Variants in GPATCH11 observed in about 807,000 individuals in gnomAD.
The protein encoded by GPATCH11 is G-patch domain containing 11.
A neutral mutation model predicts 44.8 loss-of-function variants in GPATCH11; 32 were observed. The observed-to-expected ratio is 0.71, with a 90% CI of 0.54 to 0.96. The LOEUF (loss-of-function observed/expected upper bound fraction) is 0.96. Ranked by LOEUF, GPATCH11 falls within the 40% of genes least tolerant of loss-of-function variation. GPATCH11 has a pLI of 0.00. For synonymous variants in GPATCH11, 84 were observed against 94.4 expected (o/e 0.89, Z 0.64); for missense variants, 324 against 303.1 (o/e 1.07, Z -0.51).
intron 8 of GPATCH11, 75 bp from the exon 9 acceptor site, chr2:37,096,133 A>T: frequency 1.1e-6 from 1 of 886,854 alleles, no homozygotes; most frequent in South Asian, 1.6e-5. Context: ...CAAAAAATGC[A>T]TGTTATGTTG....
chr2:37,086,609 G>T (rs1673062909), intron 1 of GPATCH11, among the ~76,000 whole-genome samples: 1 of 152,160 alleles, frequency 6.6e-6, no homozygotes, highest in Non-Finnish European at 1.5e-5. Context: ...GACCAGCCTG[G>T]CCAACATGGC....
At position 37,094,175 on chromosome 2, in the gene GPATCH11, T is replaced by C. The variant is rs746905009; in HGVS notation, c.634T>C (p.Tyr212His). The change falls in exon 7 of 9, where the codon TAT becomes CAT. Residue 212 changes from tyrosine (Y) to histidine (H), a missense_variant. By Grantham distance (83) the Tyr-to-His change is moderately conservative (BLOSUM62 2). Transcript: ENST00000674370. Reference sequence around the variant, plus strand: ...AGAAAAAGAACAGGATGAAGATGAATATAAGAGTGAAGATTTAAGCGTATG... The same window carrying C: ...AGAAAAAGAACAGGATGAAGATGAACATAAGAGTGAAGATTTAAGCGTATG... ...EEEKEQDEDE[Y>H]KSEDLSVLEK... 8 of 1,557,516 alleles carry C rather than the reference T, an allele frequency of 5.1e-6. No individual in the cohort carries two copies. In the Admixed American group the frequency reaches 5.8e-5, roughly 11 times the overall value.
rs1326111339 is a variant in GPATCH11, at chr2:37,096,786, A to AC, written c.*525dup. The stretch of plus-strand genomic sequence containing the variant: ...GGTCAGGGAAACCACCAGGGGCTGG[A>AC]CCACACATGCTCAGTTCCTTCTTGT... On this transcript the variant is annotated 3_prime_UTR_variant, in exon 9 of 9. Coordinates refer to ENST00000674370, the MANE Select transcript of GPATCH11 (RefSeq NM_174931.4). The AC allele has an allele frequency of 1.3e-5, 2 of 155,766 alleles. No homozygotes were observed. Among genetic ancestry groups the AC allele is most frequent in the African/African-American group, 4.8e-5 (2 of 41,484 alleles). 9.6% of individuals were successfully genotyped at this position (155,766 alleles called of 1,614,324 possible). A position where few individuals can be genotyped will look rare whatever the true frequency, so the allele number is the denominator to read the frequency against.
chr2:37,095,771 T>TCCC, intron 8 of GPATCH11, among the ~76,000 whole-genome samples: 2 of 152,200 alleles, frequency 1.3e-5, no homozygotes, highest in African/African-American at 4.8e-5. Context: ...AACCTGAGAA[T>TCCC]GATGAATGTT....
intron 3 of GPATCH11, 142 bp downstream of exon 3, chr2:37,090,008 C>A (rs1673240267): frequency 3.0e-6 from 2 of 660,566 alleles, no homozygotes; most frequent in Admixed American, 2.9e-5. Context: ...TATTAACAAG[C>A]CTTATGGAGA....
chr2:37,090,523 T>C (rs1673264162), intron 3 of GPATCH11, among the ~76,000 whole-genome samples, 158 bp from the exon 4 acceptor site: 2 of 152,178 alleles, frequency 1.3e-5, no homozygotes, highest in African/African-American at 4.8e-5. Flanking sequence ...AGGTAGATAA[T>C]TGATTATATA....
In GPATCH11 at chr2:37,096,680, T is replaced by C. The variant is rs1049592993; in HGVS notation, c.*417T>C. 2 of 170,994 alleles carry C rather than the reference T, an allele frequency of 1.2e-5. No individual in the cohort carries two copies. Among genetic ancestry groups the C allele is most frequent in the African/African-American group, 4.8e-5 (2 of 41,554 alleles). The allele number at this position is 170,994 out of a possible 1,614,324, so 10.6% of individuals were successfully genotyped here. A position where few individuals can be genotyped will look rare whatever the true frequency, so the allele number is the denominator to read the frequency against. On this transcript the variant is annotated 3_prime_UTR_variant, in exon 9 of 9. Coordinates refer to ENST00000674370, the MANE Select transcript of GPATCH11 (RefSeq NM_174931.4). Reference sequence around the variant, plus strand: ...CTCCAGTCAGAGACTGTAATATTTCTCCCTGATTGGAGAGAACAGCGGGTC... The same window carrying C: ...CTCCAGTCAGAGACTGTAATATTTCCCCCTGATTGGAGAGAACAGCGGGTC...
chr2:37,094,224 G>C (rs1481840625), intron 7 of GPATCH11, 29 bp downstream of exon 7: 1 of 1,376,822 alleles, frequency 7.3e-7, no homozygotes, highest in East Asian at 2.5e-5. Context: ...CCTTCATAGG[G>C]TGTCTCAGCC....
rs370830221 is a variant in GPATCH11 at position 37,095,420 on chromosome 2, G to C, written c.655-17G>C. On this transcript the variant is annotated splice_polypyrimidine_tract_variant and intron_variant, in intron 7 of 8. Transcript: ENST00000674370. ...CTGTTCAATGTAAAGTATTAATAAT[G>C]TGCTTGTATCCTATAGGTACTGGAA... is the stretch of plus-strand genomic sequence containing the variant. 24 of 1,593,668 alleles carry C rather than the reference G, an allele frequency of 1.5e-5. No homozygotes were observed. Among genetic ancestry groups the C allele is most frequent in the Non-Finnish European group, 2.0e-5 (24 of 1,172,658 alleles).
chr2:37,092,045 A>C lies in GPATCH11; in HGVS notation c.449+9A>C. The C allele has an allele frequency of 6.2e-7, 1 of 1,612,266 alleles. No individual in the cohort carries two copies. The highest frequency in any genetic ancestry group is 8.5e-7 in the Non-Finnish European group (1 of 1,178,842). On this transcript the variant is annotated intron_variant, in intron 5 of 8. Coordinates refer to ENST00000674370, the MANE Select transcript of GPATCH11 (RefSeq NM_174931.4). ...GCTGCAGAACAGTTTCGGTAAAACT[A>C]TTTTTGAGCTGGTTTTGGTTCTATT...
intron 2 of GPATCH11, 103 bp from the exon 3 acceptor site, chr2:37,089,537 A>G: frequency 2.5e-6 from 2 of 813,642 alleles, no homozygotes; most frequent in South Asian, 1.9e-5. Context: ...ATTGCATTAC[A>G]GCCCGGGCAA....
chr2:37,093,341 A>T (rs1243103750), intron 6 of GPATCH11, among the ~76,000 whole-genome samples: 1 of 151,598 alleles, frequency 6.6e-6, no homozygotes, highest in Non-Finnish European at 1.5e-5. Flanking sequence ...CAAAAAAAAT[A>T]AATAAGTAAA....
chr2:37,094,102 A>G lies in GPATCH11; in HGVS notation c.561A>G (p.Glu187=). The G allele has an allele frequency of 1.3e-6, 2 of 1,598,680 alleles. No homozygotes were observed. The highest frequency in any genetic ancestry group is 4.5e-5 in the East Asian group (2 of 44,658). ...TTCAGAATATTCAGGTTCCCAGGGA[A>G]GCATGGTACTGGTTGAGGCTTGAAG... ...DVQKNIQVPR[E]AWYWLRLEEE... is the part of the protein sequence containing the mutation. The change falls in exon 7 of 9, where the codon GAA becomes GAG. Residue 187 remains glutamate (E), a synonymous_variant. Transcript: ENST00000674370.
intron 7 of GPATCH11, 131 bp from the exon 8 acceptor site, chr2:37,095,306 G>T: frequency 1.7e-6 from 2 of 1,159,654 alleles, no homozygotes. Context: ...TTCTGTCCTT[G>T]ACATTTCTAA....
chr2:37,095,306 G>A, intron 7 of GPATCH11, 131 bp from the exon 8 acceptor site: 2 of 1,159,654 alleles, frequency 1.7e-6, no homozygotes, highest in South Asian at 3.6e-5. Context: ...TTCTGTCCTT[G>A]ACATTTCTAA....
At chr2:37,088,965 G>A (rs1254323545) in intron 2 of GPATCH11, among the ~76,000 whole-genome samples, 1 of 152,080 alleles carries the variant, frequency 6.6e-6, no homozygotes, top group East Asian at 1.9e-4. Context: ...CCTTTTTATT[G>A]CCTTCTTCCA....
At chr2:37,087,737 A>G (rs1228836907) in intron 1 of GPATCH11, among the ~76,000 whole-genome samples, 2 of 152,064 alleles carry the variant, frequency 1.3e-5, no homozygotes, top group Non-Finnish European at 2.9e-5. Context: ...AAATGTTTGT[A>G]CTCTGTTCAG....
chr2:37,091,924 G>A lies in GPATCH11; in HGVS notation c.337G>A (p.Gly113Ser). 1 of 1,608,850 alleles carries A rather than the reference G, an allele frequency of 6.2e-7. No individual in the cohort carries two copies. The highest frequency in any genetic ancestry group is 8.5e-7 in the Non-Finnish European group (1 of 1,176,728). Residue 113 changes from glycine (G) to serine (S), a missense_variant, in exon 5 of 9, where the codon GGC becomes AGC. Transcript: ENST00000674370. ...ATTTTCTGTTTGAATAGGGAAAAGT[G>A]GCATTGGTCATGAGGCATCATTAAA... ...IPLNIKTGKS[G>S]IGHEASLKRK...
chr2:37,087,370 T>C lies in GPATCH11; in HGVS notation c.-13-999T>C, dbSNP rs80194491. Among the ~76,000 whole-genome samples, 1,462 of 152,320 alleles carry C rather than the reference T, an allele frequency of 9.6e-3. 24 individuals carry two copies. Among genetic ancestry groups the C allele is most frequent in the African/African-American group, 0.034 (1,395 of 41,554 alleles). On this transcript the variant is annotated intron_variant, in intron 1 of 8. Coordinates refer to ENST00000674370, the MANE Select transcript of GPATCH11 (RefSeq NM_174931.4). ...CACAACAAGTGAATACACTTTTGTC[T>C]TAAGCAACTGAACTAGCAACATTGA...
Sources: allele counts gnomAD v4.1 joint callset (sites outside exome capture counted in the v4.1 genomes callset), GRCh38; gene constraint gnomAD v4.1.1; transcripts MANE v1.5; gene names NCBI Gene and HGNC (gene_info 2026-07-23, HGNC 2026-07-21).